The following PPM1L variants were observed in gnomAD, a reference collection of about 807,000 sequenced individuals.
PPM1L encodes the protein protein phosphatase, Mg2+/Mn2+ dependent 1L.
A neutral mutation model predicts 31.4 loss-of-function variants in PPM1L; 13 were observed. That is an observed-to-expected ratio of 0.41 (90% CI 0.27 to 0.66). The LOEUF is 0.66. Among genes scored for constraint, PPM1L ranks in the 30% least tolerant of loss-of-function variants. The pLI, the probability that PPM1L is intolerant of heterozygous loss-of-function variation, is 0.29. For synonymous variants in PPM1L, 184 were observed against 175.4 expected, an observed-to-expected ratio of 1.05 and a Z score of -0.39; for missense variants, 326 against 453.7, an observed-to-expected ratio of 0.72 and a Z score of 2.56.
chr3:160,758,067 A>G (rs1188919374), intron 1 of PPM1L, among the ~76,000 whole-genome samples: 2 of 152,210 alleles, frequency 1.3e-5, no homozygotes, highest in Non-Finnish European at 2.9e-5. Context: ...ATTTGGTAGA[A>G]CTGAAATCAG....
At chr3:160,818,887 A>AATTT (rs1713073725) in intron 1 of PPM1L, among the ~76,000 whole-genome samples, 1 of 151,802 alleles carries the variant, frequency 6.6e-6, no homozygotes, top group Non-Finnish European at 1.5e-5. Flanking sequence ...CTTTTTAAAA[A>AATTT]ATTTATTTAT....
chr3:160,825,181 CAGAT>C (rs61019315), intron 1 of PPM1L, among the ~76,000 whole-genome samples: 57,502 of 151,434 alleles, frequency 0.38, 11,753 homozygotes, highest in East Asian at 0.59. Context: ...GATGGATAAA[CAGAT>C]AGCCATTTGC....
intron 1 of PPM1L, among the ~76,000 whole-genome samples, chr3:160,856,463 C>T (rs113354881): frequency 0.014 from 2,083 of 152,210 alleles, 22 homozygotes; most frequent in Middle Eastern, 0.068. Flanking sequence ...CAGCATAGAA[C>T]ACGACACAGG....
chr3:160,920,281 G>A (rs1262003448), intron 1 of PPM1L, among the ~76,000 whole-genome samples: 1 of 151,964 alleles, frequency 6.6e-6, no homozygotes, highest in Admixed American at 6.6e-5. Flanking sequence ...TGGCAATAAG[G>A]GCCAGGCCTC....
At position 160,899,387 on chromosome 3, in the gene PPM1L, G is replaced by A. The variant is rs530836435; in HGVS notation, c.400-62349G>A. The stretch of plus-strand genomic sequence containing the variant: ...AAGCCAAGCAGAATAAATGTGAAAT[G>A]AAGTGATTTTGAAAAGATGTTGGGG... On this transcript the variant is annotated intron_variant, in intron 1 of 3. Coordinates refer to ENST00000498165, the MANE Select transcript of PPM1L (RefSeq NM_139245.4). 2.0e-5 allele frequency among the ~76,000 whole-genome samples: 3 copies of A among 152,226 alleles called. No homozygotes were observed. In the South Asian group the frequency reaches 6.2e-4, roughly 32 times the overall value.
chr3:160,763,476 A>T (rs1715022222), intron 1 of PPM1L, among the ~76,000 whole-genome samples: 1 of 152,242 alleles, frequency 6.6e-6, no homozygotes, highest in Admixed American at 6.5e-5. Context: ...ACCATTATGG[A>T]TAACACATTG....
At chr3:161,013,894 T>G (rs1717981985) in intron 2 of PPM1L, among the ~76,000 whole-genome samples, 1 of 152,214 alleles carries the variant, frequency 6.6e-6, no homozygotes, top group South Asian at 2.1e-4. Context: ...CCTCCATCCC[T>G]TTATTTTGAG....
At chr3:161,001,665 C>A (rs1717487470) in intron 2 of PPM1L, among the ~76,000 whole-genome samples, 1 of 152,142 alleles carries the variant, frequency 6.6e-6, no homozygotes, top group African/African-American at 2.4e-5. Flanking sequence ...ACACCCCCAG[C>A]TCTTTTTTTC....
rs1178260288 is a variant in PPM1L, at chr3:161,044,437, T to C, written c.575-20966T>C. On this transcript the variant is annotated intron_variant, in intron 2 of 3. Transcript: ENST00000498165. ...AGCATTGAAAATTCAAAATCTGAAG[T>C]GTTCCAAAATTCAAAATTTTCTGAG... is the stretch of plus-strand genomic sequence containing the variant. 2.0e-5 allele frequency among the ~76,000 whole-genome samples: 3 copies of C among 151,884 alleles called. No homozygotes were observed. In the East Asian group the frequency reaches 5.8e-4, roughly 29 times the overall value.
intron 1 of PPM1L, among the ~76,000 whole-genome samples, chr3:160,800,351 A>G (rs1712385956): frequency 6.6e-6 from 1 of 152,166 alleles, no homozygotes; most frequent in African/African-American, 2.4e-5. Context: ...TTCTACTTAT[A>G]TCAATTCTTC....
At chr3:160,945,113 TTATCTATCTATC>T (rs58013795) in intron 1 of PPM1L, among the ~76,000 whole-genome samples, 15,516 of 55,888 alleles carry the variant, frequency 0.28, 2,559 homozygotes, top group Middle Eastern at 0.39. Flanking sequence ...AACATATATG[TTATCTATCTATC>T]TATCTATCTA....
At chr3:160,985,876 T>C (rs1413485603) in intron 2 of PPM1L, among the ~76,000 whole-genome samples, 2 of 152,026 alleles carry the variant, frequency 1.3e-5, no homozygotes, top group Non-Finnish European at 2.9e-5. Flanking sequence ...ACAGTTACTC[T>C]AAACAGATAA....
intron 1 of PPM1L, among the ~76,000 whole-genome samples, chr3:160,906,416 A>G (rs1576704381): frequency 6.6e-6 from 1 of 152,196 alleles, no homozygotes; most frequent in African/African-American, 2.4e-5. Context: ...ATCCTGGCCA[A>G]CATCATGAAA....
chr3:160,930,364 G>C (rs1027987698), intron 1 of PPM1L, among the ~76,000 whole-genome samples: 1 of 152,202 alleles, frequency 6.6e-6, no homozygotes, highest in Non-Finnish European at 1.5e-5. Flanking sequence ...AAACAAAAGA[G>C]AGAATAAAAT....
At chr3:160,886,809 C>T (rs1712933152) in intron 1 of PPM1L, among the ~76,000 whole-genome samples, 1 of 152,062 alleles carries the variant, frequency 6.6e-6, no homozygotes. Context: ...CTCTTTTCCT[C>T]CAAATGATTG....
intron 2 of PPM1L, among the ~76,000 whole-genome samples, chr3:161,045,186 C>A (rs562164115): frequency 6.6e-6 from 1 of 152,190 alleles, no homozygotes; most frequent in South Asian, 2.1e-4. Flanking sequence ...GACTTTAACC[C>A]CCCACTGTCA....
chr3:161,038,642 T>C (rs2108087349), intron 2 of PPM1L, among the ~76,000 whole-genome samples: 1 of 151,312 alleles, frequency 6.6e-6, no homozygotes, highest in East Asian at 2.0e-4. Context: ...GACATCTTTT[T>C]CATTCTTTAT....
intron 1 of PPM1L, among the ~76,000 whole-genome samples, chr3:160,815,518 A>T (rs1271845592): frequency 1.3e-5 from 2 of 152,172 alleles, no homozygotes; most frequent in African/African-American, 4.8e-5. Flanking sequence ...AAAGGTGCTG[A>T]GGAGCCTGCT....
intron 1 of PPM1L, among the ~76,000 whole-genome samples, chr3:160,865,679 G>T (rs140359150): frequency 6.6e-6 from 1 of 152,184 alleles, no homozygotes; most frequent in African/African-American, 2.4e-5. Context: ...GGAGGCTGAG[G>T]CAAGAGAATT....
Sources: allele counts gnomAD v4.1 joint callset (sites outside exome capture counted in the v4.1 genomes callset), GRCh38; gene constraint gnomAD v4.1.1; transcripts MANE v1.5; gene names NCBI Gene and HGNC (gene_info 2026-07-23, HGNC 2026-07-21).